SEC31B: variants seen among roughly 807,000 people sequenced by gnomAD.
SEC31B encodes the protein SEC31 homolog B, COPII component.
A neutral mutation model predicts 135.0 loss-of-function variants in SEC31B; 113 were observed. The observed-to-expected ratio is 0.84, with a 90% CI of 0.72 to 0.98. SEC31B has a LOEUF of 0.98. Among genes scored for constraint, SEC31B ranks in the 50% least tolerant of loss-of-function variants. The probability of loss-of-function intolerance (pLI) is 0.00; values close to 1 mark genes in which losing one functional copy is unlikely to be tolerated. For missense variants in SEC31B, 1,296 were observed against 1,421.1 expected (o/e 0.91, Z 1.42); for synonymous variants, 508 against 549.4 (o/e 0.92, Z 1.05).
At chr10:100,511,727 G>T (rs1249753054) in intron 3 of SEC31B, among the ~76,000 whole-genome samples, 1 of 152,172 alleles carries the variant, frequency 6.6e-6, no homozygotes, top group Admixed American at 6.5e-5. Flanking sequence ...CTAGCTTCAT[G>T]TTAGTGAACT....
chr10:100,503,595 G>A (rs771999599), intron 10 of SEC31B, among the ~76,000 whole-genome samples: 6 of 151,796 alleles, frequency 4.0e-5, no homozygotes, highest in East Asian at 1.9e-4. Flanking sequence ...CACCACGCCC[G>A]GCTAATTTTG....
chr10:100,498,396 G>C (rs1851454149), intron 14 of SEC31B, 189 bp from the exon 15 acceptor site: 1 of 640,250 alleles, frequency 1.6e-6, no homozygotes, highest in African/African-American at 1.8e-5. Context: ...CAGGGCCCAA[G>C]ACAAGGGAGG....
chr10:100,503,412 A>AAAAATAT (rs1851559174), intron 10 of SEC31B, among the ~76,000 whole-genome samples: 5 of 151,696 alleles, frequency 3.3e-5, no homozygotes, highest in Admixed American at 6.6e-5. Context: ...AGGTTATTCC[A>AAAAATAT]ATGTGTATCC....
At chr10:100,497,332 CCTT>C (rs1188151371) in intron 16 of SEC31B, 52 bp from the exon 17 acceptor site, 7 of 1,598,278 alleles carry the variant, frequency 4.4e-6, no homozygotes, top group Non-Finnish European at 5.1e-6. Context: ...GTGTGCCTCT[CCTT>C]CTCCTGTTTG....
At chr10:100,516,004 T>G in intron 3 of SEC31B, 92 bp downstream of exon 3, 1 of 1,453,440 alleles carries the variant, frequency 6.9e-7, no homozygotes, top group Non-Finnish European at 9.3e-7. Flanking sequence ...CTTCCCTCAC[T>G]TGGCTCCTCA....
At chr10:100,489,475 A>G in intron 22 of SEC31B, 77 bp from the exon 23 acceptor site, 3 of 1,541,180 alleles carry the variant, frequency 1.9e-6, no homozygotes, top group Non-Finnish European at 2.7e-6. Flanking sequence ...GGCAGGAATG[A>G]CAGTGAACAA....
chr10:100,506,431 A>G lies in SEC31B; in HGVS notation c.783-11T>C, dbSNP rs760893942. The G allele has an allele frequency of 5.0e-6, 8 of 1,613,512 alleles. No individual in the cohort carries two copies. The highest frequency in any genetic ancestry group is 1.7e-5 in the Admixed American group (1 of 59,970). On this transcript the variant is annotated splice_polypyrimidine_tract_variant and intron_variant, in intron 7 of 25. Transcript: ENST00000370345. ...ACTGACAAGATCCCCCTAAAAAGAGAAGGGAAGAGGAACTAGCATTTGTTG... is the reference window on the plus strand; with the variant it reads ...ACTGACAAGATCCCCCTAAAAAGAGGAGGGAAGAGGAACTAGCATTTGTTG...
At chr10:100,510,624 T>C (rs572587154) in intron 3 of SEC31B, among the ~76,000 whole-genome samples, 39 of 152,258 alleles carry the variant, frequency 2.6e-4, no homozygotes, top group Admixed American at 2.4e-3. Context: ...GGTTACAAGA[T>C]CTCCAACTGC....
chr10:100,496,269 C>A lies in SEC31B; in HGVS notation c.2299G>T (p.Asp767Tyr), dbSNP rs754657793. 2 of 1,614,060 alleles carry A rather than the reference C, an allele frequency of 1.2e-6. No homozygotes were observed. Among genetic ancestry groups the A allele is most frequent in the East Asian group, 2.2e-5 (1 of 44,874 alleles). The change falls in exon 18 of 26, where the codon GAC (aspartate) becomes TAC (tyrosine). Residue 767 changes from aspartate to tyrosine, a missense_variant. Transcript: ENST00000370345. Reference sequence around the variant, plus strand: ...ATGGCCCCACTTACCTGAGCACAGTCCCTGGGTAGAAAGCTCATGGCAGTG... The same window carrying A: ...ATGGCCCCACTTACCTGAGCACAGTACCTGGGTAGAAAGCTCATGGCAGTG... ...LATAMSFLPRDCAQPPVQQLR... is the reference protein window; with the variant it reads ...LATAMSFLPRYCAQPPVQQLR...
Position 100,516,877 on chromosome 10 carries a change from T to C in SEC31B, c.76A>G (p.Thr26Ala), listed in dbSNP as rs758960386. The C allele has an allele frequency of 8.7e-6, 14 of 1,612,950 alleles. No homozygotes were observed. In the Admixed American group the frequency reaches 1.7e-4, roughly 19 times the overall value. The change falls in exon 2 of 26, where the codon ACA becomes GCA. Residue 26 changes from threonine to alanine, a missense_variant. Transcript: ENST00000370345. The part of the protein sequence containing the change: ...PASQYPLYLA[T>A]GTSAQQLDSS... ...CTAATTCACAGTGTCACCATACCTG[T>C]GGCCAGATACAAAGGGTATTGGCTG... is the stretch of plus-strand genomic sequence containing the variant.
chr10:100,517,978 T>C (rs1426842586), intron 1 of SEC31B, among the ~76,000 whole-genome samples: 2 of 152,208 alleles, frequency 1.3e-5, no homozygotes, highest in Non-Finnish European at 2.9e-5. Flanking sequence ...GCCTTTTTGA[T>C]TGTATCATCT....
chr10:100,487,874 T>G (rs1350531698), intron 25 of SEC31B, 79 bp from the exon 26 acceptor site: 1 of 1,575,196 alleles, frequency 6.3e-7, no homozygotes, highest in Non-Finnish European at 8.7e-7. Flanking sequence ...AAGGGAAGAC[T>G]TAAGTTCTGG....
In SEC31B at chr10:100,498,112, T is replaced by C. The variant is rs755515639; in HGVS notation, c.1780A>G (p.Ile594Val). 2.5e-6 allele frequency: 4 copies of C among 1,614,168 alleles called. No homozygotes were observed. The highest frequency in any genetic ancestry group is 3.4e-6 in the Non-Finnish European group (4 of 1,180,042). ...TCTGTACCCCCAGCCTGGGCCAGGA[T>C]AATGGCATCAGCAAAGCGCTCCTCC... ...LKEERFADAI[I>V]LAQAGGTDLL... The change falls in exon 15 of 26, where the codon ATC becomes GTC. Residue 594 changes from isoleucine to valine, a missense_variant. Ile to Val is a conservative substitution (Grantham distance 29). Coordinates refer to ENST00000370345, the MANE Select transcript of SEC31B (RefSeq NM_015490.4).
chr10:100,488,170 G>A, intron 24 of SEC31B, 72 bp from the exon 25 acceptor site: 2 of 1,392,542 alleles, frequency 1.4e-6, no homozygotes, highest in Non-Finnish European at 2.0e-6. Flanking sequence ...AAGAATCACA[G>A]CATATTAGGC....
At position 100,490,155 on chromosome 10, in the gene SEC31B, G is replaced by A. The variant is rs751361719; in HGVS notation, c.2818C>T (p.Leu940Phe). Reference protein sequence around the residue: ...LPETPRLFPLLPLRPLGPGRM... With the variant: ...LPETPRLFPLFPLRPLGPGRM... ...CCGGGACCTAGTGGTCTCAGAGGAA[G>A]CAGAGGGAACAGTCTAGGAGTCTCA... The change falls in exon 21 of 26, where the codon CTT (leucine) becomes TTT (phenylalanine). Residue 940 changes from leucine to phenylalanine, a missense_variant. Transcript: ENST00000370345. 7 of 1,599,402 alleles carry A rather than the reference G, an allele frequency of 4.4e-6. No individual in the cohort carries two copies. Among genetic ancestry groups the A allele is most frequent in the Non-Finnish European group, 6.0e-6 (7 of 1,173,426 alleles).
chr10:100,496,367 ACC>A lies in SEC31B; in HGVS notation c.2199_2200del (p.Val734GlufsTer76). On this transcript the variant is annotated frameshift_variant, in exon 18 of 26. Transcript: ENST00000370345. LOFTEE classifies it high-confidence loss of function. ...GTAGGTTGTGGCAGGGCCTGGGCTC[ACC>A]CCATGAGGACCCCGCAGTTGCTCCA... 1 of 1,614,098 alleles carries A rather than the reference ACC, an allele frequency of 6.2e-7. No individual in the cohort carries two copies. The highest frequency in any genetic ancestry group is 8.5e-7 in the Non-Finnish European group (1 of 1,180,006).
Position 100,488,862 on chromosome 10 carries a change from T to C in SEC31B, c.3284A>G (p.Asp1095Gly). 6.3e-7 allele frequency: 1 copy of C among 1,591,516 alleles called. No individual in the cohort carries two copies. Among genetic ancestry groups the C allele is most frequent in the Admixed American group, 1.8e-5 (1 of 56,494 alleles). Reference sequence around the variant, plus strand: ...GTGAAGAAGGTTCAGACTTACTAAGTCAGTTGCAGACAGGGAGCAGCGTTG... The same window carrying C: ...GTGAAGAAGGTTCAGACTTACTAAGCCAGTTGCAGACAGGGAGCAGCGTTG... ...LLQRCSLSAT[D>G]LKTKRKLEEA... The change falls in exon 24 of 26, where the codon GAC (aspartate) becomes GGC (glycine). Residue 1095 changes from aspartate (D) to glycine (G), a missense_variant. Coordinates refer to ENST00000370345, the MANE Select transcript of SEC31B (RefSeq NM_015490.4).
rs1851210861 is a variant in SEC31B at position 100,487,799 on chromosome 10, T to C, written c.3361-4A>G. The C allele has an allele frequency of 6.2e-7, 1 of 1,613,790 alleles. No individual in the cohort carries two copies. ...CAGCCACGACATGAGGTGAGAGCTG[T>C]GGAGGGAATGACCCTTAGGTTAGTG... On this transcript the variant is annotated splice_region_variant and splice_polypyrimidine_tract_variant and intron_variant, in intron 25 of 25. Coordinates refer to ENST00000370345, the MANE Select transcript of SEC31B (RefSeq NM_015490.4).
intron 19 of SEC31B, 90 bp from the exon 20 acceptor site, chr10:100,490,973 C>G: frequency 1.1e-6 from 1 of 917,400 alleles, no homozygotes; most frequent in Non-Finnish European, 1.5e-6. Context: ...ATTAATGAAA[C>G]AAAAACTAGT....
Sources: allele counts gnomAD v4.1 joint callset (sites outside exome capture counted in the v4.1 genomes callset), GRCh38; gene constraint gnomAD v4.1.1; transcripts MANE v1.5; gene names NCBI Gene and HGNC (gene_info 2026-07-23, HGNC 2026-07-21).